FGF2: variants seen among roughly 807,000 people sequenced by gnomAD.
FGF2 encodes the protein fibroblast growth factor 2, also known as basic fibroblast growth factor bFGF.
Under a neutral mutation model 15.9 loss-of-function variants are expected in FGF2, and 13 were observed. The observed-to-expected ratio is 0.82, with a 90% CI of 0.53 to 1.30. The LOEUF is 1.30. Ranked by LOEUF, FGF2 falls within the 50% of genes most tolerant of loss-of-function variation. FGF2 has a pLI of 0.00. For synonymous variants in FGF2, 90 were observed against 78.4 expected (o/e 1.15, Z -0.78); for missense variants, 163 against 196.9 (o/e 0.83, Z 1.03).
chr4:122,851,519 C>T (rs1726231921), intron 1 of FGF2, among the ~76,000 whole-genome samples: 1 of 152,170 alleles, frequency 6.6e-6, no homozygotes, highest in African/African-American at 2.4e-5. Context: ...AGCAAATAGG[C>T]ATGTGAAGCT....
chr4:122,852,959 G>A (rs187704792), intron 1 of FGF2, among the ~76,000 whole-genome samples: 6 of 28,044 alleles, frequency 2.1e-4, no homozygotes, highest in East Asian at 2.1e-3. Context: ...TCTGTTATAG[G>A]GCCCTTTTCT....
At position 122,894,133 on chromosome 4, in the gene FGF2, G is replaced by C. The variant is rs1326940526; in HGVS notation, c.*1737G>C. 6.6e-6 allele frequency: 1 copy of C among 152,210 alleles called. No individual in the cohort carries two copies. Among genetic ancestry groups the C allele is most frequent in the Non-Finnish European group, 1.5e-5 (1 of 68,040 alleles). The allele number at this position is 152,210 out of a possible 1,614,324, so 9.4% of individuals were successfully genotyped here. ...ACTGTCTTACCCATCCCCTGGATAT[G>C]CTCTTGTTTTTTCCCTCTAATAGCT... is the stretch of plus-strand genomic sequence containing the variant. On this transcript the variant is annotated 3_prime_UTR_variant, in exon 3 of 3. Coordinates refer to ENST00000644866, the MANE Select transcript of FGF2 (RefSeq NM_001361665.2).
chr4:122,882,763 C>T (rs1003778188), intron 2 of FGF2: 11 of 152,178 alleles, frequency 7.2e-5, no homozygotes, highest in African/African-American at 1.2e-4. Context: ...TCTCGTCATA[C>T]GACCTGTTCA....
rs946359168 is a variant in FGF2, at chr4:122,895,081, T to C, written c.*2685T>C. ...AGTTTAACTTGAATCACTAACTGAC[T>C]GAAAATTGAATGGGCAAATAAGTGC... On this transcript the variant is annotated 3_prime_UTR_variant, in exon 3 of 3. Coordinates refer to ENST00000644866, the MANE Select transcript of FGF2 (RefSeq NM_001361665.2). 6.6e-6 allele frequency: 1 copy of C among 152,198 alleles called. No homozygotes were observed. Among genetic ancestry groups the C allele is most frequent in the African/African-American group, 2.4e-5 (1 of 41,444 alleles). The allele number at this position is 152,198 out of a possible 1,614,324, so 9.4% of individuals were successfully genotyped here.
At chr4:122,848,094 C>T (rs77422925) in intron 1 of FGF2, among the ~76,000 whole-genome samples, 81 of 152,344 alleles carry the variant, frequency 5.3e-4, no homozygotes, top group Non-Finnish European at 1.0e-3. Flanking sequence ...TGAATAAGCC[C>T]TGGCTTGGGT....
chr4:122,827,153 C>T lies in FGF2; in HGVS notation c.-22C>T. The T allele has an allele frequency of 7.2e-7, 1 of 1,395,578 alleles. No homozygotes were observed. 86.4% of individuals were successfully genotyped at this position (1,395,578 alleles called of 1,614,324 possible). On this transcript the variant is annotated 5_prime_UTR_variant, in exon 1 of 3. Transcript: ENST00000644866. This position sits in a 1 kb window ranked among gnomAD's most constrained non-coding sequence, Gnocchi z 4.2. ...GCGCGGCTCCAGCGGCTCGGGGATC[C>T]CGGCCGGGCCCCGCAGGGACCATGG...
At chr4:122,871,326 C>T (rs962642011) in intron 1 of FGF2, among the ~76,000 whole-genome samples, 2 of 152,062 alleles carry the variant, frequency 1.3e-5, no homozygotes, top group African/African-American at 4.8e-5. Flanking sequence ...CTATAGATGT[C>T]TACTAGATCC....
At chr4:122,864,333 C>T (rs1265984313) in intron 1 of FGF2, among the ~76,000 whole-genome samples, 1 of 152,178 alleles carries the variant, frequency 6.6e-6, no homozygotes, top group Non-Finnish European at 1.5e-5. Context: ...GACATTCACT[C>T]GATTCTGTTG....
At chr4:122,854,950 G>A (rs1386818335) in intron 1 of FGF2, among the ~76,000 whole-genome samples, 1 of 152,068 alleles carries the variant, frequency 6.6e-6, no homozygotes, top group Non-Finnish European at 1.5e-5. Flanking sequence ...TCCCCACCCT[G>A]TGCCCCTACT....
At position 122,892,403 on chromosome 4, in the gene FGF2, T is replaced by C. The variant is rs111250029; in HGVS notation, c.*7T>C. 2,660 of 1,613,510 alleles carry C rather than the reference T, an allele frequency of 1.6e-3. 2 individuals are homozygous for C. Among genetic ancestry groups the C allele is most frequent in the Non-Finnish European group, 2.1e-3 (2,478 of 1,179,440 alleles). On this transcript the variant is annotated 3_prime_UTR_variant, in exon 3 of 3. Transcript: ENST00000644866. ...AATGTCTGCTAAGAGCTGATTTTAA[T>C]GGCCACATCTAATCTCATTTCACAT...
Position 122,892,748 on chromosome 4 carries a change from G to C in FGF2, c.*352G>C. The C allele has an allele frequency of 7.4e-7, 1 of 1,359,760 alleles. No individual in the cohort carries two copies. Among genetic ancestry groups the C allele is most frequent in the Non-Finnish European group, 9.9e-7 (1 of 1,010,450 alleles). 84.2% of individuals were successfully genotyped at this position (1,359,760 alleles called of 1,614,324 possible). A position where few individuals can be genotyped will look rare whatever the true frequency, so the allele number is the denominator to read the frequency against. ...CATATACATTAGAAAATCACAGTCAGATGTTTAATCAATCCAAAATGTCCA... is the reference window on the plus strand; with the variant it reads ...CATATACATTAGAAAATCACAGTCACATGTTTAATCAATCCAAAATGTCCA... On this transcript the variant is annotated 3_prime_UTR_variant, in exon 3 of 3. Coordinates refer to ENST00000644866, the MANE Select transcript of FGF2 (RefSeq NM_001361665.2).
rs915269110 is a variant in FGF2, at chr4:122,897,919, G to A, written c.*5523G>A. 5 of 481,990 alleles carry A rather than the reference G, an allele frequency of 1.0e-5. No homozygotes were observed. The highest frequency in any genetic ancestry group is 1.9e-5 in the Non-Finnish European group (5 of 268,242). 29.9% of individuals were successfully genotyped at this position (481,990 alleles called of 1,614,324 possible). ...TCAGGAAATATAAGTGGTTTTGTTT[G>A]GTTAACGTGATACATTCTGTATGAA... On this transcript the variant is annotated 3_prime_UTR_variant, in exon 3 of 3. Coordinates refer to ENST00000644866, the MANE Select transcript of FGF2 (RefSeq NM_001361665.2).
chr4:122,855,583 G>C (rs149517653), intron 1 of FGF2, among the ~76,000 whole-genome samples: 1 of 152,290 alleles, frequency 6.6e-6, no homozygotes, highest in East Asian at 1.9e-4. Context: ...AACAGAGCAG[G>C]TTGTCTAAAC....
chr4:122,858,573 A>AT, intron 1 of FGF2, among the ~76,000 whole-genome samples: 1 of 151,738 alleles, frequency 6.6e-6, no homozygotes, highest in Non-Finnish European at 1.5e-5. Context: ...AGTTTTTTGT[A>AT]TTTTAATAGA....
intron 1 of FGF2, among the ~76,000 whole-genome samples, chr4:122,841,381 GGCATTTCTGCTATTCC>G (rs1297620568): frequency 1.3e-5 from 2 of 152,154 alleles, no homozygotes; most frequent in African/African-American, 4.8e-5. Context: ...CCTTAGTCAT[GGCATTTCTGCTATTCC>G]GCACTATTAC....
chr4:122,870,692 T>G (rs1726712479), intron 1 of FGF2, among the ~76,000 whole-genome samples: 1 of 152,198 alleles, frequency 6.6e-6, no homozygotes, highest in South Asian at 2.1e-4. Context: ...CATTTTGTAT[T>G]GTGTCTACTT....
At chr4:122,826,682 G>A, upstream of FGF2, 1 of 1,254,892 alleles carries the variant, frequency 8.0e-7, no homozygotes, top group East Asian at 3.2e-5. Context: ...CTTGCGTGTT[G>A]TGGCCGAACC....
At chr4:122,872,915 A>G (rs1726770164) in intron 1 of FGF2, among the ~76,000 whole-genome samples, 1 of 152,318 alleles carries the variant, frequency 6.6e-6, no homozygotes, top group East Asian at 1.9e-4. Flanking sequence ...CAGTCACTGC[A>G]AAAAACACAC....
intron 1 of FGF2, among the ~76,000 whole-genome samples, 159 bp from the exon 2 acceptor site, chr4:122,876,162 C>T (rs1175222546): frequency 6.6e-6 from 1 of 152,178 alleles, no homozygotes; most frequent in Non-Finnish European, 1.5e-5. Context: ...GTTTAGTTGA[C>T]ATCTGCTCCC....
Sources: allele counts gnomAD v4.1 joint callset (sites outside exome capture counted in the v4.1 genomes callset), GRCh38; gene constraint gnomAD v4.1.1; non-coding constraint Gnocchi (gnomAD v3.1); transcripts MANE v1.5; gene names NCBI Gene and HGNC (gene_info 2026-07-23, HGNC 2026-07-21).